LATS1: variants seen among roughly 807,000 people sequenced by gnomAD.
The protein encoded by LATS1 is large tumor suppressor kinase 1.
In LATS1, 25 loss-of-function variants were observed where a neutral mutation model predicts 106.6. The ratio of observed to expected loss-of-function variants is 0.23; its 90% confidence interval spans 0.17 to 0.33. The LOEUF is 0.33. Ranked by LOEUF, LATS1 falls within the 10% of genes least tolerant of loss-of-function variation. LATS1 has a pLI of 1.00. For synonymous variants in LATS1, 465 were observed against 455.6 expected, an observed-to-expected ratio of 1.02 and a Z score of -0.26; for missense variants, 1,040 against 1,382.6, an observed-to-expected ratio of 0.75 and a Z score of 3.93.
intron 7 of LATS1, among the ~76,000 whole-genome samples, chr6:149,675,414 A>G (rs927132399): frequency 6.6e-4 from 100 of 152,268 alleles, no homozygotes; most frequent in African/African-American, 2.2e-3. Flanking sequence ...ATTGTGGGTA[A>G]CTTCTCATTT....
rs200089333 is a variant in LATS1, at chr6:149,684,569, G to A, written c.520C>T (p.Arg174Cys). ...TTAGAACCTTTCCAGCTCTGTTTGC[G>A]GTTAACTGATTGCTGCACATTCCCT... Reference protein sequence around the residue: ...KPGNVQQSVNRKQSWKGSKES... With the variant: ...KPGNVQQSVNCKQSWKGSKES... The change falls in exon 4 of 8, where the codon CGC becomes TGC. Residue 174 changes from arginine to cysteine, a missense_variant. By Grantham distance (180) the Arg-to-Cys change is radical. Transcript: ENST00000543571. The A allele has an allele frequency of 5.8e-5, 93 of 1,601,518 alleles. No individual in the cohort carries two copies. The East Asian group carries it at 1.3e-3, about 22-fold the overall frequency.
At chr6:149,694,870 A>C (rs1036632213) in intron 3 of LATS1, among the ~76,000 whole-genome samples, 2 of 152,218 alleles carry the variant, frequency 1.3e-5, no homozygotes, top group Non-Finnish European at 2.9e-5. Context: ...ACTGCTGCTT[A>C]CCAGAATTAT....
chr6:149,669,482 C>G (rs948696741), intron 7 of LATS1, among the ~76,000 whole-genome samples: 5 of 152,116 alleles, frequency 3.3e-5, no homozygotes, highest in Admixed American at 3.3e-4. Context: ...TAACTACAAG[C>G]CAGGTGCAGG....
At chr6:149,682,150 TAG>T (rs1782073479) in intron 4 of LATS1, among the ~76,000 whole-genome samples, 1 of 151,780 alleles carries the variant, frequency 6.6e-6, no homozygotes, top group Non-Finnish European at 1.5e-5. Flanking sequence ...CCTTAATATC[TAG>T]AGATCTATGT....
chr6:149,662,978 A>G (rs1164752167), intron 7 of LATS1, among the ~76,000 whole-genome samples: 2 of 151,080 alleles, frequency 1.3e-5, no homozygotes, highest in Non-Finnish European at 3.0e-5. Flanking sequence ...AAAAAAAAAA[A>G]AAAAAAAAAG....
At chr6:149,664,161 CAAA>C (rs58373258) in intron 7 of LATS1, among the ~76,000 whole-genome samples, 27 of 121,208 alleles carry the variant, frequency 2.2e-4, no homozygotes, top group Admixed American at 4.0e-4. Context: ...CAGTTTAAGG[CAAA>C]AAAAAAAAAA....
rs1783482545 is a variant in LATS1, at chr6:149,701,872, C to T, written c.255G>A (p.Leu85=). 3 of 1,613,972 alleles carry T rather than the reference C, an allele frequency of 1.9e-6. No homozygotes were observed. Among genetic ancestry groups the T allele is most frequent in the Non-Finnish European group, 1.7e-6 (2 of 1,179,988 alleles). Residue 85 remains leucine, a synonymous_variant, in exon 2 of 8, where the codon CTG becomes CTA. Coordinates refer to ENST00000543571, the MANE Select transcript of LATS1 (RefSeq NM_004690.4). The part of the protein sequence containing the change: ...HKALQEIRNS[L]LPFANETNSS... Reference sequence around the variant, plus strand: ...AATTTGTTTCATTTGCAAATGGAAGCAGAGAGTTTCGAATTTCCTGCAAGG... The same window carrying T: ...AATTTGTTTCATTTGCAAATGGAAGTAGAGAGTTTCGAATTTCCTGCAAGG...
In LATS1 at chr6:149,684,088, C is replaced by T; in HGVS notation, c.1001G>A (p.Ser334Asn). 6.2e-7 allele frequency: 1 copy of T among 1,614,210 alleles called. No individual in the cohort carries two copies. The change falls in exon 4 of 8, where the codon AGT becomes AAT. Residue 334 changes from serine (S) to asparagine (N), a missense_variant. This residue lies in a region of LATS1 where 624 missense variants were observed against 714.8 expected (regional missense o/e 0.87). Coordinates refer to ENST00000543571, the MANE Select transcript of LATS1 (RefSeq NM_004690.4). ...TGATGGAAAGTTAAATTTGCTAGAA[C>T]TCTGCATGATGATTGGTTGTCTGCC... is the stretch of plus-strand genomic sequence containing the variant. ...PVGRQPIIMQ[S>N]SSKFNFPSGR...
chr6:149,717,246 T>C (rs1784451873), intron 1 of LATS1, among the ~76,000 whole-genome samples: 2 of 152,232 alleles, frequency 1.3e-5, no homozygotes, highest in African/African-American at 4.8e-5. Flanking sequence ...TTCATTGAGC[T>C]ACAAGCTATT....
intron 3 of LATS1, among the ~76,000 whole-genome samples, chr6:149,690,866 T>C (rs1782705947): frequency 6.6e-6 from 1 of 152,216 alleles, no homozygotes; most frequent in Non-Finnish European, 1.5e-5. Flanking sequence ...TAATAATTTA[T>C]TGTATGTTAT....
intron 1 of LATS1, among the ~76,000 whole-genome samples, chr6:149,712,192 T>TTTTA (rs575504971): frequency 3.1e-3 from 470 of 152,114 alleles, no homozygotes; most frequent in African/African-American, 8.1e-3. Context: ...GTCATGTTTC[T>TTTTA]TTTATTTATT....
rs1780868579 is a variant in LATS1 at position 149,661,186 on chromosome 6, T to TA, written c.*542dup. ...AATATTTTTTCAACCCTGTATTCCT[T>TA]AGTTTCAGGATGTGAATTATACAGA... On this transcript the variant is annotated 3_prime_UTR_variant, in exon 8 of 8. Coordinates refer to ENST00000543571, the MANE Select transcript of LATS1 (RefSeq NM_004690.4). 1 of 226,760 alleles carries TA rather than the reference T, an allele frequency of 4.4e-6. No homozygotes were observed. Among genetic ancestry groups the TA allele is most frequent in the Non-Finnish European group, 8.8e-6 (1 of 114,264 alleles). The allele number at this position is 226,760 out of a possible 1,614,324, so 14.0% of individuals were successfully genotyped here.
chr6:149,682,513 G>A (rs533338171), intron 4 of LATS1, among the ~76,000 whole-genome samples: 3 of 150,774 alleles, frequency 2.0e-5, no homozygotes, highest in East Asian at 2.0e-4. Context: ...CGGGGTTCAC[G>A]CCATTCTCCT....
In LATS1 at chr6:149,683,518, A is replaced by G. The variant is rs758484289; in HGVS notation, c.1571T>C (p.Ile524Thr). ...PTHPSWIPQP[I>T]QTVQPSPFPE... is the part of the protein sequence containing the mutation. ...AAAAGGACTGGGTTGAACAGTTTGA[A>G]TTGGCTGTGGTATCCAAGAAGGGTG... Residue 524 changes from isoleucine to threonine, a missense_variant, in exon 4 of 8, where the codon ATT becomes ACT. Physicochemically the swap from Ile to Thr is moderately conservative, Grantham distance 89. This residue lies in a region of LATS1 where 624 missense variants were observed against 714.8 expected (regional missense o/e 0.87). Coordinates refer to ENST00000543571, the MANE Select transcript of LATS1 (RefSeq NM_004690.4). 10 of 1,614,090 alleles carry G rather than the reference A, an allele frequency of 6.2e-6. No individual in the cohort carries two copies. The highest frequency in any genetic ancestry group is 2.7e-5 in the African/African-American group (2 of 74,922).
chr6:149,705,968 G>A (rs1459752749), intron 1 of LATS1, among the ~76,000 whole-genome samples: 1 of 151,896 alleles, frequency 6.6e-6, no homozygotes, highest in East Asian at 1.9e-4. Flanking sequence ...TGGATCACCT[G>A]AGGTCGGGAG....
At chr6:149,710,628 A>C (rs1351161056) in intron 1 of LATS1, among the ~76,000 whole-genome samples, 2 of 152,218 alleles carry the variant, frequency 1.3e-5, no homozygotes, top group African/African-American at 4.8e-5. Flanking sequence ...GGTCAGATTA[A>C]GGGCTGAGAG....
chr6:149,678,803 C>G (rs1781875122), intron 5 of LATS1, among the ~76,000 whole-genome samples: 1 of 152,078 alleles, frequency 6.6e-6, no homozygotes, highest in South Asian at 2.1e-4. Context: ...TTCTGTCTGA[C>G]CTTGGGCAAG....
At chr6:149,676,525 C>T (rs1451170588) in intron 6 of LATS1, 30 bp downstream of exon 6, 1 of 1,603,820 alleles carries the variant, frequency 6.2e-7, no homozygotes, top group Non-Finnish European at 8.5e-7. Context: ...TAAAGGTCTA[C>T]TGAGAATATA....
intron 1 of LATS1, among the ~76,000 whole-genome samples, chr6:149,706,895 T>C (rs563266994): frequency 2.6e-4 from 40 of 152,256 alleles, no homozygotes; most frequent in African/African-American, 8.9e-4. Context: ...ACCAGGTTTA[T>C]AGTGATTTGT....
Sources: gnomAD v4.1 joint callset for allele counts (sites outside exome capture counted in the v4.1 genomes callset) on GRCh38, gnomAD v4.1.1 for gene constraint, gnomAD v4.1.1 regional missense constraint, MANE v1.5 for transcripts, NCBI Gene and HGNC (gene_info 2026-07-23, HGNC 2026-07-21) for gene names.